The following CHST13 variants were observed in gnomAD, a reference collection of about 807,000 sequenced individuals.
The protein encoded by CHST13 is carbohydrate sulfotransferase 13.
CHST13 carries 1 observed loss-of-function variant against 7.0 expected under a neutral mutation model. That is an observed-to-expected ratio of 0.14 (90% CI 0.05 to 0.68). CHST13 has a LOEUF of 0.68. CHST13 is among the 30% of genes least tolerant of loss of function. The pLI is 0.82. For synonymous variants in CHST13, 257 were observed against 240.9 expected (o/e 1.07, Z -0.62); for missense variants, 572 against 507.9 (o/e 1.13, Z -1.21).
chr3:126,529,228 G>C (rs1403677120), intron 1 of CHST13: 1 of 972,530 alleles, frequency 1.0e-6, no homozygotes, highest in African/African-American at 1.7e-5. Flanking sequence ...GTTTCACCCG[G>C]TATCTTGATT....
intron 2 of CHST13, among the ~76,000 whole-genome samples, chr3:126,541,384 C>A (rs1327031010): frequency 6.6e-6 from 1 of 152,216 alleles, no homozygotes; most frequent in African/African-American, 2.4e-5. Flanking sequence ...CAGCCTCCTG[C>A]TTTTAGTAAA....
intron 2 of CHST13, 76 bp downstream of exon 2, chr3:126,536,429 T>G (rs1253651663): frequency 8.7e-6 from 10 of 1,153,880 alleles, no homozygotes; most frequent in Admixed American, 1.8e-5. Context: ...AGTGCAGACC[T>G]GCTGGCATGA....
At chr3:126,536,872 CTCTCTT>C (rs906942132) in intron 2 of CHST13, among the ~76,000 whole-genome samples, 1 of 142,840 alleles carries the variant, frequency 7.0e-6, no homozygotes, top group African/African-American at 2.8e-5. Flanking sequence ...GGCTCTCTCT[CTCTCTT>C]TCTCACACAC....
chr3:126,527,564 T>G (rs2107561480), intron 1 of CHST13: 1 of 152,456 alleles, frequency 6.6e-6, no homozygotes, highest in South Asian at 2.1e-4. Context: ...TCTGAGCCAG[T>G]CAGGTGGCAG....
chr3:126,534,021 T>G (rs1312989094), intron 1 of CHST13, among the ~76,000 whole-genome samples: 1 of 152,202 alleles, frequency 6.6e-6, no homozygotes, highest in African/African-American at 2.4e-5. Flanking sequence ...TTGTTCAGAG[T>G]TCTCTTGTAA....
chr3:126,542,123 C>T lies in CHST13; in HGVS notation c.571C>T (p.Pro191Ser). ...ASAYRNKLAR[P>S]YSAAFQRRYG... is the part of the protein sequence containing the mutation. Reference sequence around the variant, plus strand: ...GGCTTACCGCAACAAGCTCGCGCGCCCCTACAGCGCCGCCTTCCAGAGGCG... The same window carrying T: ...GGCTTACCGCAACAAGCTCGCGCGCTCCTACAGCGCCGCCTTCCAGAGGCG... The change falls in exon 3 of 3, where the codon CCC (proline) becomes TCC (serine). Residue 191 changes from proline to serine, a missense_variant. Coordinates refer to ENST00000319340, the MANE Select transcript of CHST13 (RefSeq NM_152889.3). The T allele has an allele frequency of 6.4e-7, 1 of 1,571,188 alleles. No homozygotes were observed. Among genetic ancestry groups the T allele is most frequent in the Non-Finnish European group, 8.6e-7 (1 of 1,163,320 alleles).
intron 1 of CHST13, among the ~76,000 whole-genome samples, chr3:126,530,190 G>A (rs1404118822): frequency 6.6e-6 from 1 of 152,260 alleles, no homozygotes; most frequent in Non-Finnish European, 1.5e-5. Flanking sequence ...GGGCAGGGTG[G>A]CAGGCAGGGT....
intron 1 of CHST13, chr3:126,529,199 T>G (rs914663376): frequency 1.3e-6 from 1 of 758,698 alleles, no homozygotes. Context: ...GTGCTTCTGC[T>G]GTAGGTTTCT....
At chr3:126,540,357 T>C (rs1936932662) in intron 2 of CHST13, among the ~76,000 whole-genome samples, 1 of 152,146 alleles carries the variant, frequency 6.6e-6, no homozygotes, top group Non-Finnish European at 1.5e-5. Flanking sequence ...CCAGTGTCAG[T>C]CCATCAGCAG....
chr3:126,524,214 C>A lies in CHST13; in HGVS notation c.-119C>A. On this transcript the variant is annotated 5_prime_UTR_variant, in exon 1 of 3. Transcript: ENST00000319340. ...GGGTCCAGCTGCCGTGCTCCCCTGC[C>A]CTGCGCCGCGCCGCGCGTCTTGGTA... 2 of 776,014 alleles carry A rather than the reference C, an allele frequency of 2.6e-6. No individual in the cohort carries two copies. Among genetic ancestry groups the A allele is most frequent in the Non-Finnish European group, 3.4e-6 (2 of 584,808 alleles). The allele number at this position is 776,014 out of a possible 1,614,324, so 48.1% of individuals were successfully genotyped here.
At chr3:126,538,545 A>G (rs1442211373) in intron 2 of CHST13, among the ~76,000 whole-genome samples, 1 of 152,242 alleles carries the variant, frequency 6.6e-6, no homozygotes, top group Admixed American at 6.5e-5. Context: ...ATGCCCTGAC[A>G]CAGCCGGGGT....
At chr3:126,530,990 G>C (rs1427860232) in intron 1 of CHST13, among the ~76,000 whole-genome samples, 2 of 152,278 alleles carry the variant, frequency 1.3e-5, no homozygotes, top group Admixed American at 6.5e-5. Flanking sequence ...GTTACACGCA[G>C]CAGGGTTCTG....
intron 1 of CHST13, among the ~76,000 whole-genome samples, chr3:126,531,637 C>T (rs1400249482): frequency 2.0e-5 from 3 of 152,170 alleles, no homozygotes; most frequent in Non-Finnish European, 4.4e-5. Context: ...GAAGCATGAG[C>T]CAATTCTTCA....
At position 126,524,313 on chromosome 3, in the gene CHST13, C is replaced by T. The variant is rs1936491780; in HGVS notation, c.-20C>T. The T allele has an allele frequency of 3.2e-6, 4 of 1,232,152 alleles. No homozygotes were observed. The East Asian group carries it at 1.0e-4, about 31-fold the overall frequency. 76.3% of individuals were successfully genotyped at this position (1,232,152 alleles called of 1,614,324 possible). A position where few individuals can be genotyped will look rare whatever the true frequency, so the allele number is the denominator to read the frequency against. Reference sequence around the variant, plus strand: ...CAGCCGTATCCAGCGGACTGTCCTCCGCCGCGCGCCCGGCACAGCATGGGG... The same window carrying T: ...CAGCCGTATCCAGCGGACTGTCCTCTGCCGCGCGCCCGGCACAGCATGGGG... On this transcript the variant is annotated 5_prime_UTR_variant, in exon 1 of 3. Transcript: ENST00000319340.
At chr3:126,538,648 C>T (rs992911927) in intron 2 of CHST13, among the ~76,000 whole-genome samples, 1 of 152,190 alleles carries the variant, frequency 6.6e-6, no homozygotes, top group African/African-American at 2.4e-5. Flanking sequence ...AAGCTGAAAG[C>T]AGACCTTGGC....
At chr3:126,524,525 T>C in intron 1 of CHST13, 96 bp downstream of exon 1, 1 of 397,084 alleles carries the variant, frequency 2.5e-6, no homozygotes. Flanking sequence ...GGGGGACACC[T>C]GTTGTCTCCT....
In CHST13 at chr3:126,542,605, G is replaced by C. The variant is rs1247227108; in HGVS notation, c.*27G>C. On this transcript the variant is annotated 3_prime_UTR_variant, in exon 3 of 3. Coordinates refer to ENST00000319340, the MANE Select transcript of CHST13 (RefSeq NM_152889.3). ...GGTCCTGGAGGTCCTGTGGCCACGC[G>C]GGGCAAGTGCCTTTCCGACAAGACC... is the stretch of plus-strand genomic sequence containing the variant. The C allele has an allele frequency of 6.9e-7, 1 of 1,447,234 alleles. No homozygotes were observed. Among genetic ancestry groups the C allele is most frequent in the South Asian group, 1.5e-5 (1 of 66,358 alleles). The allele number at this position is 1,447,234 out of a possible 1,614,324, so 89.6% of individuals were successfully genotyped here. A position where few individuals can be genotyped will look rare whatever the true frequency, so the allele number is the denominator to read the frequency against.
intron 2 of CHST13, among the ~76,000 whole-genome samples, chr3:126,541,122 G>A (rs781018189): frequency 7.2e-5 from 11 of 152,148 alleles, no homozygotes; most frequent in Non-Finnish European, 1.0e-4. Flanking sequence ...CTGCTGGCCC[G>A]CAGCAGGTGC....
At chr3:126,539,475 A>G in intron 2 of CHST13, among the ~76,000 whole-genome samples, 1 of 147,584 alleles carries the variant, frequency 6.8e-6, no homozygotes, top group South Asian at 2.2e-4. Context: ...CACACACTGC[A>G]CACACACACA....
Sources: allele counts gnomAD v4.1 joint callset (sites outside exome capture counted in the v4.1 genomes callset), GRCh38; gene constraint gnomAD v4.1.1; transcripts MANE v1.5; gene names NCBI Gene and HGNC (gene_info 2026-07-23, HGNC 2026-07-21).